Variants in TAFA1 observed in about 807,000 individuals in gnomAD.
The protein encoded by TAFA1 is TAFA chemokine like family member 1.
In TAFA1, 4 loss-of-function variants were observed where a neutral mutation model predicts 18.5. The ratio of observed to expected loss-of-function variants is 0.22; its 90% confidence interval spans 0.11 to 0.49. TAFA1 has a LOEUF of 0.49. Among genes scored for constraint, TAFA1 ranks in the 20% least tolerant of loss-of-function variants. The probability of loss-of-function intolerance (pLI) is 0.98; values close to 1 mark genes in which losing one functional copy is unlikely to be tolerated. For missense variants in TAFA1, 147 were observed against 169.0 expected, an observed-to-expected ratio of 0.87 and a Z score of 0.72; for synonymous variants, 56 against 55.2, an observed-to-expected ratio of 1.01 and a Z score of -0.06.
intron 2 of TAFA1, among the ~76,000 whole-genome samples, chr3:68,111,609 T>G (rs1333316510): frequency 6.6e-6 from 1 of 152,132 alleles, no homozygotes; most frequent in Non-Finnish European, 1.5e-5. Flanking sequence ...CTAAGTTTCT[T>G]GAAATTCTGA....
intron 3 of TAFA1, among the ~76,000 whole-genome samples, chr3:68,461,383 A>ATATG (rs1553693207): frequency 6.9e-6 from 1 of 144,784 alleles, no homozygotes; most frequent in Non-Finnish European, 1.5e-5. Flanking sequence ...ATATATATGT[A>ATATG]TGTATGTATA....
chr3:68,099,986 G>A (rs2065129759), intron 2 of TAFA1, among the ~76,000 whole-genome samples: 1 of 151,990 alleles, frequency 6.6e-6, no homozygotes, highest in African/African-American at 2.4e-5. Flanking sequence ...AATAGACACT[G>A]GGGACAACTA....
chr3:68,388,452 C>A (rs1304085161), intron 2 of TAFA1, among the ~76,000 whole-genome samples: 1 of 151,952 alleles, frequency 6.6e-6, no homozygotes, highest in Non-Finnish European at 1.5e-5. Flanking sequence ...TTGCTCTAAG[C>A]CTATTTTCAT....
At chr3:68,275,722 G>A (rs2067783208) in intron 2 of TAFA1, among the ~76,000 whole-genome samples, 1 of 152,090 alleles carries the variant, frequency 6.6e-6, no homozygotes. Context: ...TGAAGAAAGA[G>A]CATTTCAAGC....
At chr3:68,200,751 A>T (rs1337760207) in intron 2 of TAFA1, among the ~76,000 whole-genome samples, 3 of 151,542 alleles carry the variant, frequency 2.0e-5, no homozygotes, top group South Asian at 2.1e-4. Flanking sequence ...TCTTTTTTTT[A>T]AAATTAGCCT....
intron 2 of TAFA1, among the ~76,000 whole-genome samples, chr3:68,386,437 G>A (rs2070106204): frequency 6.6e-6 from 1 of 151,996 alleles, no homozygotes; most frequent in African/African-American, 2.4e-5. Context: ...ATCCTATGTA[G>A]ATAGCATGGA....
chr3:68,235,072 C>T (rs2107123928), intron 2 of TAFA1, among the ~76,000 whole-genome samples: 1 of 152,262 alleles, frequency 6.6e-6, no homozygotes, highest in African/African-American at 2.4e-5. Context: ...AGGTATTGCT[C>T]TTAGAGGCCA....
intron 2 of TAFA1, among the ~76,000 whole-genome samples, chr3:68,068,185 C>G (rs2064707214): frequency 6.6e-6 from 1 of 152,044 alleles, no homozygotes; most frequent in Non-Finnish European, 1.5e-5. Flanking sequence ...TCAAACTGAC[C>G]ATTAGATGAA....
chr3:68,268,426 TG>T (rs959650710), intron 2 of TAFA1, among the ~76,000 whole-genome samples: 1 of 152,038 alleles, frequency 6.6e-6, no homozygotes, highest in African/African-American at 2.4e-5. Flanking sequence ...GAGACATGGA[TG>T]GGGGGAGCCA....
intron 2 of TAFA1, among the ~76,000 whole-genome samples, chr3:68,266,693 A>G (rs1315803647): frequency 6.6e-6 from 1 of 152,158 alleles, no homozygotes; most frequent in African/African-American, 2.4e-5. Flanking sequence ...GGGTGAGAGC[A>G]GAGGAAGACA....
At chr3:68,256,235 T>C (rs1170107703) in intron 2 of TAFA1, among the ~76,000 whole-genome samples, 2 of 151,952 alleles carry the variant, frequency 1.3e-5, no homozygotes, top group Non-Finnish European at 2.9e-5. Context: ...TACTGAGGAG[T>C]TTCCACAGTT....
intron 2 of TAFA1, among the ~76,000 whole-genome samples, chr3:68,371,794 G>A (rs1174829776): frequency 6.6e-6 from 1 of 152,170 alleles, no homozygotes; most frequent in East Asian, 1.9e-4. Context: ...CCAAGTTGGA[G>A]ACAGAGAAGA....
chr3:68,502,189 AT>A (rs1370688739), intron 3 of TAFA1, among the ~76,000 whole-genome samples: 1 of 152,164 alleles, frequency 6.6e-6, no homozygotes, highest in East Asian at 1.9e-4. Context: ...TGGTTGCTTC[AT>A]AGCAAGGGCA....
chr3:68,268,702 G>C (rs2067596894), intron 2 of TAFA1, among the ~76,000 whole-genome samples: 1 of 152,108 alleles, frequency 6.6e-6, no homozygotes, highest in Admixed American at 6.6e-5. Flanking sequence ...CCTCTTGCCT[G>C]ATTGACATTT....
At chr3:68,455,820 G>A (rs958294518) in intron 3 of TAFA1, among the ~76,000 whole-genome samples, 1 of 152,104 alleles carries the variant, frequency 6.6e-6, no homozygotes, top group African/African-American at 2.4e-5. Flanking sequence ...TAACACCAAT[G>A]GCATCTTCAA....
At chr3:68,098,528 G>A (rs1446991423) in intron 2 of TAFA1, among the ~76,000 whole-genome samples, 1 of 152,090 alleles carries the variant, frequency 6.6e-6, no homozygotes, top group African/African-American at 2.4e-5. Context: ...ATATTTAGTG[G>A]CCTCTGGTGA....
intron 2 of TAFA1, among the ~76,000 whole-genome samples, chr3:68,028,680 C>T (rs1704867975): frequency 6.6e-6 from 1 of 152,038 alleles, no homozygotes; most frequent in South Asian, 2.1e-4. Context: ...CCAATCTTGG[C>T]CTCCATTGTC....
At chr3:68,178,522 T>G (rs1401809161) in intron 2 of TAFA1, among the ~76,000 whole-genome samples, 1 of 151,978 alleles carries the variant, frequency 6.6e-6, no homozygotes, top group Non-Finnish European at 1.5e-5. Flanking sequence ...TAATTCAGAG[T>G]GTTCAGGGAA....
At chr3:68,396,159 C>T (rs1288483626) in intron 2 of TAFA1, among the ~76,000 whole-genome samples, 3 of 151,688 alleles carry the variant, frequency 2.0e-5, no homozygotes, top group African/African-American at 4.8e-5. Flanking sequence ...GAGTAAAAAC[C>T]CTGTTGAGAT....
Sources: allele counts gnomAD v4.1 joint callset (sites outside exome capture counted in the v4.1 genomes callset), GRCh38; gene constraint gnomAD v4.1.1; transcripts MANE v1.5; gene names NCBI Gene and HGNC (gene_info 2026-07-23, HGNC 2026-07-21).